The following NOL4 variants were observed in gnomAD, a reference collection of about 807,000 sequenced individuals.
NOL4 encodes nucleolar protein 4.
In NOL4, 17 loss-of-function variants were observed where a neutral mutation model predicts 75.9. The observed-to-expected ratio is 0.22, with a 90% CI of 0.15 to 0.34. The LOEUF (loss-of-function observed/expected upper bound fraction) is 0.34, where lower values mean the gene tolerates loss of function less well. Ranked by LOEUF, NOL4 falls within the 10% of genes least tolerant of loss-of-function variation. NOL4 has a pLI of 1.00. For missense variants in NOL4, 614 were observed against 793.5 expected (o/e 0.77, Z 2.72); for synonymous variants, 292 against 289.9 (o/e 1.01, Z -0.07).
At chr18:34,105,563 C>T (rs1411929401) in intron 2 of NOL4, among the ~76,000 whole-genome samples, 1 of 151,600 alleles carries the variant, frequency 6.6e-6, no homozygotes, top group Non-Finnish European at 1.5e-5. Context: ...TAATTTAGCC[C>T]CAAGTAGGAG....
At chr18:33,902,773 C>A in intron 9 of NOL4, among the ~76,000 whole-genome samples, 1 of 151,936 alleles carries the variant, frequency 6.6e-6, no homozygotes, top group South Asian at 2.1e-4. Flanking sequence ...TTGCCTTTTT[C>A]GTAACTGGCC....
chr18:33,929,889 T>G (rs1022707808), intron 9 of NOL4, among the ~76,000 whole-genome samples: 1 of 152,148 alleles, frequency 6.6e-6, no homozygotes, highest in Non-Finnish European at 1.5e-5. Context: ...AGTTTATAAC[T>G]TCTGTCATTA....
chr18:33,965,399 A>G (rs572885929), intron 6 of NOL4, among the ~76,000 whole-genome samples: 43 of 152,234 alleles, frequency 2.8e-4, no homozygotes, highest in African/African-American at 8.4e-4. Context: ...AGGGTGAGGC[A>G]GTAGTATTGC....
At chr18:34,055,897 C>T (rs1379273724) in intron 5 of NOL4, among the ~76,000 whole-genome samples, 4 of 151,854 alleles carry the variant, frequency 2.6e-5, no homozygotes, top group Admixed American at 2.6e-4. Flanking sequence ...GCTATTAAGT[C>T]TCTCTAAATA....
chr18:34,087,967 C>T (rs375900743), intron 5 of NOL4, among the ~76,000 whole-genome samples: 13 of 151,680 alleles, frequency 8.6e-5, no homozygotes, highest in African/African-American at 2.4e-4. Flanking sequence ...AAGGGTATGC[C>T]TCAACATTCC....
chr18:34,109,748 T>C (rs2079493133), intron 2 of NOL4, among the ~76,000 whole-genome samples: 1 of 151,392 alleles, frequency 6.6e-6, no homozygotes, highest in African/African-American at 2.4e-5. Context: ...TGAAAAGATA[T>C]ACAAAATTGA....
intron 6 of NOL4, among the ~76,000 whole-genome samples, chr18:34,012,045 T>A (rs563924751): frequency 6.6e-6 from 1 of 152,060 alleles, no homozygotes; most frequent in African/African-American, 2.4e-5. Flanking sequence ...CAACATGGAC[T>A]GGAACATGCA....
intron 9 of NOL4, among the ~76,000 whole-genome samples, chr18:33,918,796 G>A (rs1186592175): frequency 6.6e-6 from 1 of 152,110 alleles, no homozygotes; most frequent in Non-Finnish European, 1.5e-5. Context: ...TAGGGACCAA[G>A]CGAAACTAAA....
In NOL4 at chr18:34,185,264, A is replaced by G. The variant is rs1005174533; in HGVS notation, c.264+37726T>C. 2.0e-5 allele frequency among the ~76,000 whole-genome samples: 3 copies of G among 152,170 alleles called. No individual in the cohort carries two copies. The East Asian group carries it at 5.8e-4, about 29-fold the overall frequency. ...ACAATTTCACGGATTCTGGCAGAAC[A>G]TACAAGACTTCTAATCAGAAATAAA... On this transcript the variant is annotated intron_variant, in intron 1 of 10. Transcript: ENST00000261592.
At chr18:34,033,647 A>C in intron 5 of NOL4, among the ~76,000 whole-genome samples, 1 of 152,142 alleles carries the variant, frequency 6.6e-6, no homozygotes, top group East Asian at 1.9e-4. Flanking sequence ...TAATAAATGA[A>C]AACTCCCCAA....
intron 5 of NOL4, among the ~76,000 whole-genome samples, chr18:34,029,230 G>A (rs1600310756): frequency 1.3e-5 from 2 of 152,036 alleles, no homozygotes; most frequent in African/African-American, 2.4e-5. Context: ...AACTCAGTGA[G>A]GTTTATTTAT....
chr18:33,965,392 G>A (rs934275456), intron 6 of NOL4, among the ~76,000 whole-genome samples: 24 of 152,008 alleles, frequency 1.6e-4, no homozygotes, highest in African/African-American at 5.8e-4. Flanking sequence ...ACTGGGGAGG[G>A]TGAGGCAGTA....
At chr18:34,064,935 ACACACACACAC>A (rs747188739) in intron 5 of NOL4, among the ~76,000 whole-genome samples, 2 of 151,330 alleles carry the variant, frequency 1.3e-5, no homozygotes, top group African/African-American at 2.4e-5. Context: ...ACACACACAC[ACACACACACAC>A]ACACACATCA....
At position 34,193,219 on chromosome 18, in the gene NOL4, A is replaced by G. The variant is rs117081358; in HGVS notation, c.264+29771T>C. 1.6e-4 allele frequency among the ~76,000 whole-genome samples: 24 copies of G among 152,326 alleles called. No individual in the cohort carries two copies. In the East Asian group the frequency reaches 3.9e-3, roughly 25 times the overall value. On this transcript the variant is annotated intron_variant, in intron 1 of 10. Transcript: ENST00000261592. ...AGTCTGGACAATGATTTTTTGATAT[A>G]TACCCAAAACACAGCAAAAAAAGCA... is the stretch of plus-strand genomic sequence containing the variant.
At chr18:34,049,074 GCACACACACA>G (rs1163959249) in intron 5 of NOL4, among the ~76,000 whole-genome samples, 88 of 64,778 alleles carry the variant, frequency 1.4e-3, no homozygotes, top group African/African-American at 2.7e-3. Flanking sequence ...ACAGGCGCGC[GCACACACACA>G]CACACACACA....
chr18:33,910,530 C>G (rs1770995656), intron 9 of NOL4, among the ~76,000 whole-genome samples: 1 of 152,050 alleles, frequency 6.6e-6, no homozygotes, highest in African/African-American at 2.4e-5. Flanking sequence ...GGTGAGGGTT[C>G]CTCTCTCTTG....
chr18:34,155,141 C>G (rs995673406), intron 1 of NOL4, among the ~76,000 whole-genome samples: 2 of 151,276 alleles, frequency 1.3e-5, no homozygotes, highest in Non-Finnish European at 2.9e-5. Context: ...GCCACAAATA[C>G]GTGAAAGTTG....
At chr18:33,949,061 T>C (rs1387125029) in intron 8 of NOL4, among the ~76,000 whole-genome samples, 7 of 152,088 alleles carry the variant, frequency 4.6e-5, no homozygotes, top group African/African-American at 1.7e-4. Context: ...ATGCATATGT[T>C]TTGCTGCAGA....
intron 6 of NOL4, among the ~76,000 whole-genome samples, chr18:33,993,705 G>A (rs929753618): frequency 4.6e-5 from 7 of 151,554 alleles, no homozygotes; most frequent in African/African-American, 1.7e-4. Context: ...AAAAAGAAGC[G>A]ATGATTAAAG....
Sources: allele counts gnomAD v4.1 joint callset (sites outside exome capture counted in the v4.1 genomes callset), GRCh38; gene constraint gnomAD v4.1.1; transcripts MANE v1.5; gene names NCBI Gene and HGNC (gene_info 2026-07-23, HGNC 2026-07-21).